Variants in CAPG observed in about 807,000 individuals in gnomAD.
CAPG encodes the protein capping actin protein, gelsolin like, also known as macrophage-capping protein.
A neutral mutation model predicts 44.6 loss-of-function variants in CAPG; 32 were observed. That is an observed-to-expected ratio of 0.72 (90% CI 0.54 to 0.96). The LOEUF (loss-of-function observed/expected upper bound fraction) is 0.96. Ranked by LOEUF, CAPG falls within the 50% of genes least tolerant of loss-of-function variation. The pLI is 0.00. For missense variants in CAPG, 412 were observed against 438.3 expected, an observed-to-expected ratio of 0.94 and a Z score of 0.54; for synonymous variants, 175 against 179.6, an observed-to-expected ratio of 0.97 and a Z score of 0.20.
chr2:85,394,805 G>A lies in CAPG; in HGVS notation c.*88C>T, dbSNP rs965703162. The A allele has an allele frequency of 5.6e-6, 5 of 898,962 alleles. No homozygotes were observed. Among genetic ancestry groups the A allele is most frequent in the Non-Finnish European group, 7.6e-6 (4 of 527,818 alleles). The allele number at this position is 898,962 out of a possible 1,614,324, so 55.7% of individuals were successfully genotyped here. ...GTCTCCTTTATTGAACATCTGCAGG[G>A]GGCACCTCTGCACTGACCAGGCAGC... On this transcript the variant is annotated 3_prime_UTR_variant, in exon 10 of 10. Coordinates refer to ENST00000263867, the MANE Select transcript of CAPG (RefSeq NM_001747.4).
intron 5 of CAPG, among the ~76,000 whole-genome samples, chr2:85,400,034 C>A (rs1477155134): frequency 1.3e-5 from 2 of 152,182 alleles, no homozygotes; most frequent in Non-Finnish European, 2.9e-5. Flanking sequence ...AGCAGCCACG[C>A]CCAGCACCTC....
chr2:85,400,320 C>A (rs1354592980), intron 5 of CAPG, among the ~76,000 whole-genome samples: 1 of 152,236 alleles, frequency 6.6e-6, no homozygotes, highest in African/African-American at 2.4e-5. Context: ...GAGCCCCTGT[C>A]ACCTCTCCTT....
intron 5 of CAPG, among the ~76,000 whole-genome samples, chr2:85,400,083 C>T (rs1317899764): frequency 2.6e-5 from 4 of 152,172 alleles, no homozygotes; most frequent in South Asian, 2.1e-4. Context: ...TATGTTTAAA[C>T]GTCTCTTAAC....
chr2:85,398,991 C>T (rs1686745125), intron 6 of CAPG, 145 bp downstream of exon 6: 1 of 982,568 alleles, frequency 1.0e-6, no homozygotes, highest in African/African-American at 1.6e-5. Context: ...AGAGGGGCAC[C>T]CTGTGAGCTG....
chr2:85,396,989 C>T (rs1269722920), intron 8 of CAPG, among the ~76,000 whole-genome samples: 1 of 152,108 alleles, frequency 6.6e-6, no homozygotes, highest in South Asian at 2.1e-4. Flanking sequence ...AGACTGAGAA[C>T]AAGTTTGTTT....
rs1165373742 is a variant in CAPG, at chr2:85,395,790, G to A, written c.893-164C>T. 6.6e-6 allele frequency among the ~76,000 whole-genome samples: 1 copy of A among 152,200 alleles called. No individual in the cohort carries two copies. Among genetic ancestry groups the A allele is most frequent in the Admixed American group, 6.5e-5 (1 of 15,286 alleles). On this transcript the variant is annotated intron_variant, in intron 8 of 9. Coordinates refer to ENST00000263867, the MANE Select transcript of CAPG (RefSeq NM_001747.4). The surrounding 1 kb of genome is among the most constrained non-coding windows in gnomAD (Gnocchi z 4.3). ...CCGAGGGGCTCTTTGGAGATGTGGA[G>A]TCAGTCCCTTAAGAATTTTCCCAAA... is the stretch of plus-strand genomic sequence containing the variant.
In CAPG at chr2:85,401,955, C is replaced by T; in HGVS notation, c.26G>A (p.Gly9Asp). 1.2e-6 allele frequency: 2 copies of T among 1,614,070 alleles called. No homozygotes were observed. Among genetic ancestry groups the T allele is most frequent in the Non-Finnish European group, 8.5e-7 (1 of 1,180,002 alleles). Residue 9 changes from glycine (G) to aspartate (D), a missense_variant and splice_region_variant, in exon 3 of 10, where the codon GGC becomes GAC. Gly to Asp is a moderately conservative substitution (Grantham distance 94). Coordinates refer to ENST00000263867, the MANE Select transcript of CAPG (RefSeq NM_001747.4). MYTAIPQS[G>D]SPFPGSVQDP... ...CTGCACTGAGCCTGGGAATGGAGAG[C>T]CACTGCGAGAAGAGAGAGGGTTGAC... is the stretch of plus-strand genomic sequence containing the variant.
At chr2:85,394,730 GAGAATCAGCC>G, downstream of CAPG, 1 of 677,498 alleles carries the variant, frequency 1.5e-6, no homozygotes, top group Non-Finnish European at 2.7e-6. Context: ...GGGTGACAGT[GAGAATCAGCC>G]CAGGGCAGGT....
Position 85,395,542 on chromosome 2 carries a change from G to C in CAPG, c.977C>G (p.Thr326Ser), listed in dbSNP as rs1168771157. 2 of 1,613,132 alleles carry C rather than the reference G, an allele frequency of 1.2e-6. No homozygotes were observed. The highest frequency in any genetic ancestry group is 1.1e-5 in the South Asian group (1 of 90,960). Residue 326 changes from threonine to serine, a missense_variant, in exon 9 of 10, where the codon ACT (threonine) becomes AGT (serine). Transcript: ENST00000263867. The surrounding 1 kb of genome is among the most constrained non-coding windows in gnomAD (Gnocchi z 4.3). ...TGGTTGTGCGCATCTCCTCACCTGA[G>C]TGTTCGGGGCGTACTGCATGCGCGA... ...FISRMQYAPN[T>S]QVEILPQGHE...
intron 6 of CAPG, 53 bp from the exon 7 acceptor site, chr2:85,398,835 C>T (rs1686738365): frequency 2.2e-6 from 3 of 1,382,560 alleles, no homozygotes; most frequent in Non-Finnish European, 3.0e-6. Context: ...CTGGAACTTC[C>T]CAGCCCATCA....
chr2:85,416,378 G>C (rs1687552656), intron 1 of CAPG, among the ~76,000 whole-genome samples: 1 of 151,872 alleles, frequency 6.6e-6, no homozygotes, highest in South Asian at 2.1e-4. Context: ...AGACTCGAAG[G>C]GTCCCTTCTG....
In CAPG at chr2:85,395,717, G is replaced by C; in HGVS notation, c.893-91C>G. On this transcript the variant is annotated intron_variant, in intron 8 of 9. Coordinates refer to ENST00000263867, the MANE Select transcript of CAPG (RefSeq NM_001747.4). The surrounding 1 kb of genome is among the most constrained non-coding windows in gnomAD (Gnocchi z 4.3). ...TTGAGGAAATTTAAGGGAGTCCACAGAAGAGCCAGCAATTTTTACAATAAA... is the reference window on the plus strand; with the variant it reads ...TTGAGGAAATTTAAGGGAGTCCACACAAGAGCCAGCAATTTTTACAATAAA... The C allele has an allele frequency of 1.2e-6, 1 of 861,524 alleles. No individual in the cohort carries two copies. The highest frequency in any genetic ancestry group is 1.9e-6 in the Non-Finnish European group (1 of 536,260). The allele number at this position is 861,524 out of a possible 1,614,324, so 53.4% of individuals were successfully genotyped here.
intron 5 of CAPG, 71 bp downstream of exon 5, chr2:85,401,094 G>A: frequency 2.1e-6 from 3 of 1,441,022 alleles, no homozygotes; most frequent in Non-Finnish European, 2.9e-6. Flanking sequence ...CCTCTTTCCT[G>A]GCCTCCTGCC....
At position 85,395,531 on chromosome 2, in the gene CAPG, T is replaced by C. The variant is rs1476163493; in HGVS notation, c.981+7A>G. The C allele has an allele frequency of 1.2e-6, 2 of 1,611,734 alleles. No individual in the cohort carries two copies. The highest frequency in any genetic ancestry group is 1.3e-5 in the African/African-American group (1 of 74,982). On this transcript the variant is annotated splice_region_variant and intron_variant, in intron 9 of 9. Transcript: ENST00000263867. This position sits in a 1 kb window ranked among gnomAD's most constrained non-coding sequence, Gnocchi z 4.3. ...GAAGAGGGCTGTGGTTGTGCGCATC[T>C]CCTCACCTGAGTGTTCGGGGCGTAC...
chr2:85,392,389 C>CA (rs780926003), downstream of CAPG, among the ~76,000 whole-genome samples: 28,268 of 99,890 alleles, frequency 0.28, 3,925 homozygotes, highest in Non-Finnish European at 0.37. Context: ...GACTCCGTCT[C>CA]AAAAAAAAAA....
At position 85,401,230 on chromosome 2, in the gene CAPG, TG is replaced by T. The variant is rs1192052429; in HGVS notation, c.450del (p.Thr151ProfsTer5). 34 of 1,614,030 alleles carry T rather than the reference TG, an allele frequency of 2.1e-5. No homozygotes were observed. Among genetic ancestry groups the T allele is most frequent in the Non-Finnish European group, 2.9e-5 (34 of 1,180,010 alleles). ...YQVKGKKNIRATERALNWDSF... is the reference protein window; with the variant it reads ...YQVKGKKNIRXTERALNWDSF... ...CTGTCCCAGTTCAGTGCCCGCTCGG[TG>T]GCACGGATGTTCTTCTTCCCCTTCA... On this transcript the variant is annotated frameshift_variant, in exon 5 of 10. Transcript: ENST00000263867. LOFTEE classifies it high-confidence loss of function.
intron 1 of CAPG, among the ~76,000 whole-genome samples, chr2:85,407,530 T>C (rs1175942278): frequency 1.3e-5 from 2 of 151,664 alleles, no homozygotes; most frequent in African/African-American, 2.4e-5. Context: ...CTGGGCAACA[T>C]GGTGAAATCC....
chr2:85,415,061 ATCTT>A (rs1687520960), upstream of CAPG, among the ~76,000 whole-genome samples: 1 of 152,188 alleles, frequency 6.6e-6, no homozygotes, highest in Non-Finnish European at 1.5e-5. Flanking sequence ...TAAGGAAACA[ATCTT>A]TCTATCTGGG....
At chr2:85,406,577 G>A (rs1687167909) in intron 1 of CAPG, among the ~76,000 whole-genome samples, 1 of 152,104 alleles carries the variant, frequency 6.6e-6, no homozygotes, top group African/African-American at 2.4e-5. Context: ...TCCTGTTAGG[G>A]GCCGGGCACA....
Sources: gnomAD v4.1 joint callset for allele counts (sites outside exome capture counted in the v4.1 genomes callset) on GRCh38, gnomAD v4.1.1 for gene constraint, Gnocchi (gnomAD v3.1) non-coding constraint, MANE v1.5 for transcripts, NCBI Gene and HGNC (gene_info 2026-07-23, HGNC 2026-07-21) for gene names.